Variants in HS6ST3 observed in about 807,000 individuals in gnomAD.
The protein encoded by HS6ST3 is heparan sulfate 6-O-sulfotransferase 3.
A neutral mutation model predicts 36.7 loss-of-function variants in HS6ST3; 12 were observed. The ratio of observed to expected loss-of-function variants is 0.33; its 90% CI spans 0.21 to 0.53. HS6ST3 has a LOEUF of 0.53. Among genes scored for constraint, HS6ST3 ranks in the 20% least tolerant of loss-of-function variants. The probability of loss-of-function intolerance (pLI) is 0.95; values close to 1 mark genes in which losing one functional copy is unlikely to be tolerated. For missense variants in HS6ST3, 584 were observed against 640.9 expected, an observed-to-expected ratio of 0.91 and a Z score of 0.96; for synonymous variants, 240 against 257.5, an observed-to-expected ratio of 0.93 and a Z score of 0.65.
intron 1 of HS6ST3, among the ~76,000 whole-genome samples, chr13:96,366,466 A>AATAAATAAATAAATAAATAAATAAATAG (rs559684960): frequency 1.3e-5 from 2 of 152,046 alleles, no homozygotes; most frequent in Admixed American, 6.5e-5. Context: ...TAAATAAATA[A>AATAAATAAATAAATAAATAAATAAATAG]ATAAATAAAA....
At chr13:96,314,976 C>T (rs1594750772) in intron 1 of HS6ST3, among the ~76,000 whole-genome samples, 1 of 152,014 alleles carries the variant, frequency 6.6e-6, no homozygotes, top group East Asian at 1.9e-4. Context: ...ATCAACAAAG[C>T]AGAATGTGTC....
chr13:96,587,952 T>G (rs1287258438), intron 1 of HS6ST3, among the ~76,000 whole-genome samples: 1 of 152,246 alleles, frequency 6.6e-6, no homozygotes, highest in Non-Finnish European at 1.5e-5. Context: ...CAGTTTTCAG[T>G]ATGGAGATAT....
chr13:96,687,158 A>C (rs1874805993), intron 1 of HS6ST3, among the ~76,000 whole-genome samples: 1 of 151,930 alleles, frequency 6.6e-6, no homozygotes, highest in African/African-American at 2.4e-5. Flanking sequence ...TATAACAAAT[A>C]TACAAAATAA....
chr13:96,149,579 AT>A (rs1415721230), intron 1 of HS6ST3, among the ~76,000 whole-genome samples: 1 of 152,216 alleles, frequency 6.6e-6, no homozygotes, highest in African/African-American at 2.4e-5. Context: ...CAAAACATGA[AT>A]TCATGATGCA....
chr13:96,683,779 A>G (rs1195823998), intron 1 of HS6ST3, among the ~76,000 whole-genome samples: 1 of 152,152 alleles, frequency 6.6e-6, no homozygotes, highest in Non-Finnish European at 1.5e-5. Context: ...GTCACATAGC[A>G]TAATAGAAGA....
At chr13:96,687,198 A>G (rs1874806866) in intron 1 of HS6ST3, among the ~76,000 whole-genome samples, 1 of 151,938 alleles carries the variant, frequency 6.6e-6, no homozygotes, top group African/African-American at 2.4e-5. Context: ...GTACGGTGAG[A>G]CCAATTTACA....
rs72643873 is a variant in HS6ST3, at chr13:96,642,673, T to G, written c.708-189817T>G. ...GCCTGCTCAAATTTGCTGTTGTGCC[T>G]TGAGCCATGTAGTGATGTTTCTACT... On this transcript the variant is annotated intron_variant, in intron 1 of 1. Coordinates refer to ENST00000376705, the MANE Select transcript of HS6ST3 (RefSeq NM_153456.4). 9.7e-3 allele frequency among the ~76,000 whole-genome samples: 1,469 copies of G among 152,054 alleles called. 14 individuals are homozygous for G. The highest frequency in any genetic ancestry group is 0.021 in the African/African-American group (861 of 41,520).
At chr13:96,195,841 C>G (rs911507427) in intron 1 of HS6ST3, among the ~76,000 whole-genome samples, 3 of 152,164 alleles carry the variant, frequency 2.0e-5, no homozygotes, top group African/African-American at 7.2e-5. Context: ...ATTCTTATAT[C>G]TCTCACATAA....
intron 1 of HS6ST3, among the ~76,000 whole-genome samples, chr13:96,235,446 G>A (rs1443015593): frequency 1.3e-5 from 2 of 152,112 alleles, no homozygotes; most frequent in Non-Finnish European, 2.9e-5. Flanking sequence ...AGGCTGCTTG[G>A]AGCCACACAT....
At chr13:96,579,857 C>CTGGTATGATA (rs1209215709) in intron 1 of HS6ST3, among the ~76,000 whole-genome samples, 1 of 152,070 alleles carries the variant, frequency 6.6e-6, no homozygotes, top group African/African-American at 2.4e-5. Flanking sequence ...GTGAGTGCTA[C>CTGGTATGATA]TGGTATGATA....
At chr13:96,810,274 G>A (rs1271385133) in intron 1 of HS6ST3, among the ~76,000 whole-genome samples, 2 of 152,090 alleles carry the variant, frequency 1.3e-5, no homozygotes, top group East Asian at 1.9e-4. Context: ...TTTAACCAAC[G>A]TTCTTAGAAG....
intron 1 of HS6ST3, among the ~76,000 whole-genome samples, chr13:96,399,832 C>A (rs1185750122): frequency 6.6e-6 from 1 of 152,194 alleles, no homozygotes; most frequent in Non-Finnish European, 1.5e-5. Flanking sequence ...CTGTAGGATG[C>A]AATATTAGTT....
intron 1 of HS6ST3, among the ~76,000 whole-genome samples, chr13:96,388,482 T>G (rs1006308981): frequency 6.6e-6 from 1 of 152,232 alleles, no homozygotes; most frequent in African/African-American, 2.4e-5. Flanking sequence ...CCGAGTAGGT[T>G]GTGTAAACAA....
At chr13:96,643,818 C>T (rs899063323) in intron 1 of HS6ST3, among the ~76,000 whole-genome samples, 2 of 151,820 alleles carry the variant, frequency 1.3e-5, no homozygotes, top group Non-Finnish European at 2.9e-5. Flanking sequence ...TGATTGTGGC[C>T]TGTTGGTTTT....
At position 96,449,108 on chromosome 13, in the gene HS6ST3, C is replaced by T. The variant is rs565873284; in HGVS notation, c.707+357539C>T. Among the ~76,000 whole-genome samples, 11 of 152,130 alleles carry T rather than the reference C, an allele frequency of 7.2e-5. No individual in the cohort carries two copies. The East Asian group carries it at 1.2e-3, about 16-fold the overall frequency. On this transcript the variant is annotated intron_variant, in intron 1 of 1. Coordinates refer to ENST00000376705, the MANE Select transcript of HS6ST3 (RefSeq NM_153456.4). ...ACCTGAGTAGCTGATACTACAGGCG[C>T]GTGCCACCATACCCGGCTAATTTTT...
At chr13:96,571,588 CT>C (rs2056301266) in intron 1 of HS6ST3, among the ~76,000 whole-genome samples, 5 of 152,296 alleles carry the variant, frequency 3.3e-5, no homozygotes, top group African/African-American at 1.2e-4. Context: ...CTCCAAGATT[CT>C]TTTGGAGTCT....
At position 96,253,093 on chromosome 13, in the gene HS6ST3, G is replaced by T. The variant is rs185815541; in HGVS notation, c.707+161524G>T. Among the ~76,000 whole-genome samples, 737 of 152,258 alleles carry T rather than the reference G, an allele frequency of 4.8e-3. 1 individual carries two copies. The highest frequency in any genetic ancestry group is 0.012 in the Admixed American group (187 of 15,296). Reference sequence around the variant, plus strand: ...CATTGGGACCACACAGGGTGCTAGGGTATGTGTTGGCTGGTTGAGAAGGTT... The same window carrying T: ...CATTGGGACCACACAGGGTGCTAGGTTATGTGTTGGCTGGTTGAGAAGGTT... On this transcript the variant is annotated intron_variant, in intron 1 of 1. Coordinates refer to ENST00000376705, the MANE Select transcript of HS6ST3 (RefSeq NM_153456.4).
At position 96,833,074 on chromosome 13, in the gene HS6ST3, G is replaced by A. The variant is rs778619413; in HGVS notation, c.1292G>A (p.Arg431His). Residue 431 changes from arginine to histidine, a missense_variant, in exon 2 of 2, where the codon CGC (arginine) becomes CAC (histidine). By Grantham distance (29) the Arg-to-His change is conservative. Transcript: ENST00000376705. Reference sequence around the variant, plus strand: ...AAGCAGCTAGAGCACCAGAGGGACCGCCAGAAGCGGCGGGAGGAGCGGAGG... The same window carrying A: ...AAGCAGCTAGAGCACCAGAGGGACCACCAGAAGCGGCGGGAGGAGCGGAGG... ...HTKQLEHQRDRQKRREERRLQ... is the reference protein window; with the variant it reads ...HTKQLEHQRDHQKRREERRLQ... 34 of 1,611,976 alleles carry A rather than the reference G, an allele frequency of 2.1e-5. No individual in the cohort carries two copies. The highest frequency in any genetic ancestry group is 1.6e-4 in the South Asian group (15 of 91,070).
At chr13:96,268,770 T>C (rs1012484585) in intron 1 of HS6ST3, among the ~76,000 whole-genome samples, 1 of 152,010 alleles carries the variant, frequency 6.6e-6, no homozygotes, top group African/African-American at 2.4e-5. Context: ...ATTTTGTATA[T>C]TATATCTTGT....
Sources: allele counts gnomAD v4.1 joint callset (sites outside exome capture counted in the v4.1 genomes callset), GRCh38; gene constraint gnomAD v4.1.1; transcripts MANE v1.5; gene names NCBI Gene and HGNC (gene_info 2026-07-23, HGNC 2026-07-21).